DIP2C: variants seen among roughly 807,000 people sequenced by gnomAD.
DIP2C encodes the protein DIP2 acetate--CoA ligase C (putative).
In DIP2C, 33 loss-of-function variants were observed where a neutral mutation model predicts 192.4. That is an observed-to-expected ratio of 0.17 (90% CI 0.13 to 0.23). The LOEUF (loss-of-function observed/expected upper bound fraction) is 0.23. Among genes scored for constraint, DIP2C ranks in the 10% least tolerant of loss-of-function variants. The probability of loss-of-function intolerance (pLI) is 1.00; values close to 1 mark genes in which losing one functional copy is unlikely to be tolerated. For missense variants in DIP2C, 1,537 were observed against 2,110.1 expected (o/e 0.73, Z 5.32); for synonymous variants, 979 against 864.1 (o/e 1.13, Z -2.33).
chr10:469,999 G>A (rs887477461), intron 3 of DIP2C, among the ~76,000 whole-genome samples: 2 of 152,180 alleles, frequency 1.3e-5, no homozygotes, highest in South Asian at 2.1e-4. Context: ...GTGAGAGGTG[G>A]GGAGGTGGAT....
At chr10:570,192 T>C (rs761569813) in intron 1 of DIP2C, among the ~76,000 whole-genome samples, 9 of 152,146 alleles carry the variant, frequency 5.9e-5, no homozygotes, top group Non-Finnish European at 1.2e-4. Context: ...ATTGCCACCA[T>C]AGCTGTGAGT....
At chr10:393,962 G>C (rs902021697) in intron 10 of DIP2C, among the ~76,000 whole-genome samples, 3 of 152,148 alleles carry the variant, frequency 2.0e-5, no homozygotes, top group African/African-American at 4.8e-5. Context: ...GCTATTGGTG[G>C]GAATGCAAAT....
At chr10:382,291 G>A (rs575285661) in intron 17 of DIP2C, among the ~76,000 whole-genome samples, 2 of 152,282 alleles carry the variant, frequency 1.3e-5, no homozygotes, top group South Asian at 2.1e-4. Context: ...AAAGCAGGCT[G>A]ATGAAAACAG....
At chr10:632,525 G>A (rs112052378) in intron 1 of DIP2C, among the ~76,000 whole-genome samples, 11 of 47,718 alleles carry the variant, frequency 2.3e-4, no homozygotes, top group African/African-American at 1.1e-3. Flanking sequence ...GGCCAGCACC[G>A]TAACTGGAGA....
At chr10:529,909 A>G (rs1847269098) in intron 1 of DIP2C, among the ~76,000 whole-genome samples, 1 of 152,234 alleles carries the variant, frequency 6.6e-6, no homozygotes, top group Admixed American at 6.5e-5. Context: ...CTCCCAAAGA[A>G]GCTGGGACCA....
At chr10:369,805 T>G in intron 17 of DIP2C, 172 bp from the exon 18 acceptor site, 1 of 1,331,454 alleles carries the variant, frequency 7.5e-7, no homozygotes, top group Non-Finnish European at 1.0e-6. Flanking sequence ...GTTCTGTTTA[T>G]GAACAGCTGG....
At chr10:653,454 T>C (rs1015384345) in intron 1 of DIP2C, among the ~76,000 whole-genome samples, 14 of 152,022 alleles carry the variant, frequency 9.2e-5, no homozygotes, top group Non-Finnish European at 2.9e-5. Flanking sequence ...GTTTCAAAAA[T>C]AAAAATAAAA....
intron 1 of DIP2C, among the ~76,000 whole-genome samples, chr10:654,433 C>T (rs1477225043): frequency 2.6e-5 from 4 of 152,262 alleles, no homozygotes; most frequent in Admixed American, 6.5e-5. Context: ...TGAAAAGGCC[C>T]GGACTTCCTA....
chr10:394,906 G>A (rs1428557014), intron 10 of DIP2C, among the ~76,000 whole-genome samples: 2 of 147,516 alleles, frequency 1.4e-5, no homozygotes, highest in African/African-American at 5.1e-5. Flanking sequence ...GAAGGTGACC[G>A]TATGCTGAAC....
intron 2 of DIP2C, 25 bp from the exon 3 acceptor site, chr10:472,574 G>A: frequency 6.3e-7 from 1 of 1,592,858 alleles, no homozygotes; most frequent in Non-Finnish European, 8.6e-7. Context: ...AAACAGCAGA[G>A]TGAGGTGTGA....
chr10:466,661 A>G (rs1970224410), intron 3 of DIP2C, among the ~76,000 whole-genome samples: 1 of 149,624 alleles, frequency 6.7e-6, no homozygotes. Flanking sequence ...GCTAATATCC[A>G]GAATCTACAA....
intron 1 of DIP2C, among the ~76,000 whole-genome samples, chr10:617,596 C>T (rs1293273044): frequency 1.3e-5 from 2 of 152,236 alleles, no homozygotes; most frequent in Admixed American, 1.3e-4. Flanking sequence ...CACGCAGTGA[C>T]CTGCCACGTA....
chr10:484,970 C>T (rs1564774537), intron 2 of DIP2C: 1 of 1,590,058 alleles, frequency 6.3e-7, no homozygotes, highest in East Asian at 2.3e-5. Flanking sequence ...TGAAAAAAAA[C>T]TAATTAATTC....
intron 1 of DIP2C, among the ~76,000 whole-genome samples, chr10:626,500 A>C: frequency 7.5e-6 from 1 of 133,266 alleles, no homozygotes; most frequent in Non-Finnish European, 1.5e-5. Flanking sequence ...CCTCCATCCC[A>C]TCCCTGGTGT....
At chr10:420,272 C>T (rs1210750148) in intron 5 of DIP2C, among the ~76,000 whole-genome samples, 1 of 152,270 alleles carries the variant, frequency 6.6e-6, no homozygotes, top group Non-Finnish European at 1.5e-5. Context: ...TGACAGGACG[C>T]TGCTTTGTGA....
intron 1 of DIP2C, among the ~76,000 whole-genome samples, chr10:642,489 T>G (rs765413414): frequency 2.6e-5 from 4 of 152,240 alleles, no homozygotes; most frequent in African/African-American, 4.8e-5. Flanking sequence ...AGGTGTCTAT[T>G]TAAATGCAAA....
intron 1 of DIP2C, among the ~76,000 whole-genome samples, chr10:487,409 C>T (rs1049631093): frequency 6.6e-6 from 1 of 152,040 alleles, no homozygotes; most frequent in Non-Finnish European, 1.5e-5. Context: ...TAGTGAAAGG[C>T]GGGCAGTCTC....
intron 10 of DIP2C, among the ~76,000 whole-genome samples, chr10:393,471 G>A (rs2132970770): frequency 6.6e-6 from 1 of 152,234 alleles, no homozygotes; most frequent in South Asian, 2.1e-4. Context: ...AATCATCAGG[G>A]AAACGCAAAT....
At chr10:431,596 T>C (rs1273760776) in intron 4 of DIP2C, among the ~76,000 whole-genome samples, 2 of 152,268 alleles carry the variant, frequency 1.3e-5, no homozygotes, top group African/African-American at 4.8e-5. Flanking sequence ...CAAATTCTAC[T>C]TGTTCTTTGC....
Sources: allele counts gnomAD v4.1 joint callset (sites outside exome capture counted in the v4.1 genomes callset), GRCh38; gene constraint gnomAD v4.1.1; transcripts MANE v1.5; gene names NCBI Gene and HGNC (gene_info 2026-07-23, HGNC 2026-07-21).